Variants in REPS2 observed in about 807,000 individuals in gnomAD.
REPS2 encodes ralBP1-associated Eps domain-containing protein 2.
Under a neutral mutation model 53.6 loss-of-function variants are expected in REPS2, and 23 were observed. The observed-to-expected ratio is 0.43, with a 90% CI of 0.31 to 0.61. The LOEUF is 0.61. REPS2 is among the 20% of genes least tolerant of loss of function. The pLI, the probability that REPS2 is intolerant of heterozygous loss-of-function variation, is 0.11. For missense variants in REPS2, 446 were observed against 534.9 expected (o/e 0.83, Z 1.64); for synonymous variants, 238 against 218.6 (o/e 1.09, Z -0.78).
At chrX:17,034,212 A>C (rs1054398097) in intron 5 of REPS2, among the ~76,000 whole-genome samples, 2 of 111,641 alleles carry the variant, frequency 1.8e-5, no homozygotes, top group Non-Finnish European at 3.8e-5. Context: ...CTTTTGTATC[A>C]TTCTAGGAAC....
intron 13 of REPS2, among the ~76,000 whole-genome samples, chrX:17,093,504 GA>G (rs1461163686): frequency 3.6e-5 from 4 of 110,118 alleles, no homozygotes; most frequent in African/African-American, 1.3e-4. Flanking sequence ...TGAAGTCTGA[GA>G]AGTTCCTCCA....
the REPS2 span, among the ~76,000 whole-genome samples, chrX:17,193,646 G>A: frequency 4.1e-4 from 46 of 111,654 alleles, no homozygotes; most frequent in Non-Finnish European, 8.3e-4. Context: ...GGGCTGCTTG[G>A]AAGCTTTTTC....
rs181915629 is a variant in REPS2, at chrX:17,117,543, C to T, written c.1578+13764C>T. Among the ~76,000 whole-genome samples the T allele has an allele frequency of 2.7e-3, 301 of 110,546 alleles. 2 individuals are homozygous for T. The highest frequency in any genetic ancestry group is 4.7e-3 in the Admixed American group (49 of 10,365). On this transcript the variant is annotated intron_variant, in intron 14 of 17. Coordinates refer to ENST00000357277, the MANE Select transcript of REPS2 (RefSeq NM_004726.3). ...TGCAGTGTTTGGTTTTTTGTCCTTG[C>T]GATAGTTTGCTGAGAATGATAGTTA...
At position 17,024,982 on chromosome X, in the gene REPS2, G is replaced by A. The variant is rs2061624350; in HGVS notation, c.547-77G>A. On this transcript the variant is annotated intron_variant, in intron 3 of 17. Transcript: ENST00000357277. ...CAGCTGGGTCACCAGCAGTAGAGTTGCGTTATGCTTCCTGACTGCAGCTCA... is the reference window on the plus strand; with the variant it reads ...CAGCTGGGTCACCAGCAGTAGAGTTACGTTATGCTTCCTGACTGCAGCTCA... 4 of 1,192,137 alleles carry A rather than the reference G, an allele frequency of 3.4e-6. No individual in the cohort carries two copies. The African/African-American group carries it at 7.0e-5, about 21-fold the overall frequency.
intron 13 of REPS2, among the ~76,000 whole-genome samples, chrX:17,089,033 G>C (rs751274156): frequency 1.8e-5 from 2 of 111,301 alleles, no homozygotes; most frequent in Non-Finnish European, 3.8e-5. Context: ...AAAGTTAAAG[G>C]ATGTATTAAA....
intron 6 of REPS2, 45 bp downstream of exon 6, chrX:17,047,527 C>A (rs777818808): frequency 2.6e-6 from 3 of 1,172,905 alleles, no homozygotes; most frequent in Non-Finnish European, 3.4e-6. Flanking sequence ...CAGAACATAG[C>A]CACCATCTTG....
intron 13 of REPS2, among the ~76,000 whole-genome samples, chrX:17,081,777 C>T (rs779311339): frequency 8.9e-6 from 1 of 111,986 alleles, no homozygotes; most frequent in African/African-American, 3.2e-5. Flanking sequence ...GAGCCATTGC[C>T]TCACAGTCCC....
At chrX:17,065,174 C>T (rs1033519206) in intron 9 of REPS2, among the ~76,000 whole-genome samples, 2 of 111,969 alleles carry the variant, frequency 1.8e-5, no homozygotes, top group Non-Finnish European at 3.8e-5. Flanking sequence ...TGTATCATAA[C>T]TTAACTTTCT....
intron 13 of REPS2, among the ~76,000 whole-genome samples, chrX:17,088,658 G>A (rs760773129): frequency 3.4e-4 from 35 of 104,208 alleles, no homozygotes; most frequent in Non-Finnish European, 6.6e-4. Flanking sequence ...GCGTGGTCTC[G>A]GCTCACTGCA....
chrX:17,116,212 CT>C (rs1167184807), intron 14 of REPS2, among the ~76,000 whole-genome samples: 2 of 106,738 alleles, frequency 1.9e-5, no homozygotes, highest in African/African-American at 3.4e-5. Flanking sequence ...TGTCTTTCAT[CT>C]TTTTTTTTTC....
chrX:17,010,773 TC>T (rs1195196861), intron 2 of REPS2, among the ~76,000 whole-genome samples: 1 of 111,583 alleles, frequency 9.0e-6, no homozygotes, highest in East Asian at 2.8e-4. Context: ...ATTCAGATTC[TC>T]CTGGAACTCC....
intron 1 of REPS2, among the ~76,000 whole-genome samples, chrX:16,996,035 A>T (rs1464194590): frequency 9.0e-6 from 1 of 111,304 alleles, no homozygotes; most frequent in African/African-American, 3.3e-5. Flanking sequence ...AGGGATGTCC[A>T]TCCTGGCAAG....
chrX:16,969,471 C>T (rs914558658), intron 1 of REPS2, among the ~76,000 whole-genome samples: 6 of 109,385 alleles, frequency 5.5e-5, no homozygotes, highest in African/African-American at 2.0e-4. Flanking sequence ...CGTCTGCAAT[C>T]CCGGCACCTC....
chrX:17,150,170 A>T lies in REPS2; in HGVS notation c.*2689A>T, dbSNP rs1393801649. ...CTTAGGATGTGCACTTTAATTTAGG[A>T]TTGTAACGCCTAATAATATTTCTGT... is the stretch of plus-strand genomic sequence containing the variant. On this transcript the variant is annotated 3_prime_UTR_variant, in exon 18 of 18. Coordinates refer to ENST00000357277, the MANE Select transcript of REPS2 (RefSeq NM_004726.3). 8.9e-6 allele frequency: 1 copy of T among 111,896 alleles called. No individual in the cohort carries two copies. The highest frequency in any genetic ancestry group is 3.3e-5 in the African/African-American group (1 of 30,715). 9.2% of individuals were successfully genotyped at this position (111,896 alleles called of 1,213,427 possible). A position where few individuals can be genotyped will look rare whatever the true frequency, so the allele number is the denominator to read the frequency against.
intron 1 of REPS2, among the ~76,000 whole-genome samples, chrX:16,957,483 G>T (rs2147622569): frequency 9.0e-6 from 1 of 111,040 alleles, no homozygotes; most frequent in African/African-American, 3.3e-5. Flanking sequence ...GCCTTCAAAA[G>T]AACATATTTA....
At chrX:17,092,430 TAGTC>T (rs2062628673) in intron 13 of REPS2, among the ~76,000 whole-genome samples, 1 of 111,438 alleles carries the variant, frequency 9.0e-6, no homozygotes, top group South Asian at 3.8e-4. Context: ...TAGGAATTAT[TAGTC>T]TGTCTTCTGA....
intron 14 of REPS2, among the ~76,000 whole-genome samples, chrX:17,126,362 G>A (rs965363472): frequency 1.8e-5 from 2 of 111,892 alleles, no homozygotes; most frequent in Non-Finnish European, 3.8e-5. Context: ...GGTTAGGTGT[G>A]GAATATGGCG....
At position 17,083,122 on chromosome X, in the gene REPS2, A is replaced by T. The variant is rs2062480854; in HGVS notation, c.1516+5715A>T. Among the ~76,000 whole-genome samples, 3 of 86,884 alleles carry T rather than the reference A, an allele frequency of 3.5e-5. No homozygotes were observed. In the South Asian group the frequency reaches 1.7e-3, roughly 50 times the overall value. 75.4% of individuals were successfully genotyped at this position (86,884 alleles called of 115,157 possible). A position where few individuals can be genotyped will look rare whatever the true frequency, so the allele number is the denominator to read the frequency against. Reference sequence around the variant, plus strand: ...TTTTGAGATGAAGTCTCGTTCTGTCACCCAGGCTGGAGTGCAGTGGCGTGA... The same window carrying T: ...TTTTGAGATGAAGTCTCGTTCTGTCTCCCAGGCTGGAGTGCAGTGGCGTGA... On this transcript the variant is annotated intron_variant, in intron 13 of 17. Transcript: ENST00000357277.
intron 13 of REPS2, among the ~76,000 whole-genome samples, chrX:17,087,924 CGATAGATAGATAGATAGATAGATAGATA>C (rs35140640): frequency 1.0e-3 from 93 of 91,302 alleles, no homozygotes; most frequent in East Asian, 7.8e-3. Flanking sequence ...GAGACTCTGT[CGATAGATAGATAGATAGATAGATAGATA>C]GATAGATAGA....
Sources: gnomAD v4.1 joint callset for allele counts (sites outside exome capture counted in the v4.1 genomes callset) on GRCh38, gnomAD v4.1.1 for gene constraint, MANE v1.5 for transcripts, NCBI Gene and HGNC (gene_info 2026-07-23, HGNC 2026-07-21) for gene names.